Variants in WAS observed in about 807,000 individuals in gnomAD.
WAS encodes the protein actin nucleation-promoting factor WAS.
In WAS, 1 loss-of-function variant was observed where a neutral mutation model predicts 38.9. The ratio of observed to expected loss-of-function variants is 0.03; its 90% confidence interval spans 0.01 to 0.12. WAS has a LOEUF of 0.12. Among genes scored for constraint, WAS ranks in the 10% least tolerant of loss-of-function variants. The probability of loss-of-function intolerance (pLI) is 1.00; values close to 1 mark genes in which losing one functional copy is unlikely to be tolerated. For missense variants in WAS, 311 were observed against 431.2 expected, an observed-to-expected ratio of 0.72 and a Z score of 2.47; for synonymous variants, 182 against 173.6, an observed-to-expected ratio of 1.05 and a Z score of -0.38.
chrX:48,688,948 G>T lies in WAS; in HGVS notation c.1220G>T (p.Gly407Val). ...PPPPPPPPSS[G>V]NGPAPPPLPP... Reference sequence around the variant, plus strand: ...CCACCGCCACCGCCGCCCAGCTCCGGGAATGGACCAGCCCCTCCCCCACTC... The same window carrying T: ...CCACCGCCACCGCCGCCCAGCTCCGTGAATGGACCAGCCCCTCCCCCACTC... Residue 407 changes from glycine (G) to valine (V), a missense_variant, in exon 10 of 12, where the codon GGG (glycine) becomes GTG (valine). Gly to Val is a moderately radical substitution (Grantham distance 109, BLOSUM62 -3). Transcript: ENST00000376701. 1 of 1,170,373 alleles carries T rather than the reference G, an allele frequency of 8.5e-7. No homozygotes were observed.
intron 1 of WAS, among the ~76,000 whole-genome samples, chrX:48,677,935 G>A (rs1237958245): frequency 8.9e-6 from 1 of 112,004 alleles, no homozygotes; most frequent in Admixed American, 9.5e-5. Flanking sequence ...CTTGTGCTAG[G>A]TGGTGGGGAT....
chrX:48,686,315 TGAGTA>T (rs1286638409), intron 6 of WAS, among the ~76,000 whole-genome samples, 181 bp downstream of exon 6: 2 of 111,188 alleles, frequency 1.8e-5, no homozygotes, highest in Non-Finnish European at 3.8e-5. Flanking sequence ...GGTAGATGGC[TGAGTA>T]GAGGGATGAA....
upstream of WAS, among the ~76,000 whole-genome samples, chrX:48,682,460 G>A (rs782809471): frequency 8.9e-6 from 1 of 112,456 alleles, no homozygotes; most frequent in African/African-American, 3.2e-5. Flanking sequence ...AGTGCTATGT[G>A]AGTGTTAAGA....
At chrX:48,686,407 T>C in intron 6 of WAS, among the ~76,000 whole-genome samples, 1 of 111,852 alleles carries the variant, frequency 8.9e-6, no homozygotes, top group East Asian at 2.8e-4. Context: ...AAAAGGTAGA[T>C]GGATGACTGA....
intron 11 of WAS, chrX:48,689,720 C>T (rs2062433786): frequency 2.0e-5 from 5 of 248,312 alleles, no homozygotes; most frequent in South Asian, 1.0e-4. Context: ...AGCTGGCCGG[C>T]GCGGTGGCTC....
intron 7 of WAS, among the ~76,000 whole-genome samples, chrX:48,687,242 C>T (rs982535383): frequency 3.6e-5 from 4 of 111,976 alleles, no homozygotes; most frequent in Non-Finnish European, 7.5e-5. Flanking sequence ...AGGCACCTTA[C>T]TTGCCTCACC....
At chrX:48,685,880 G>A (rs782423704) in intron 4 of WAS, 44 bp downstream of exon 4, 1 of 1,208,848 alleles carries the variant, frequency 8.3e-7, no homozygotes, top group East Asian at 3.0e-5. Flanking sequence ...GCAGAGGTGA[G>A]TGCAAGCCTG....
At position 48,683,954 on chromosome X, in the gene WAS, G is replaced by A. The variant is rs368523950; in HGVS notation, c.101G>A (p.Arg34Gln). 50 of 1,210,975 alleles carry A rather than the reference G, an allele frequency of 4.1e-5. No homozygotes were observed. Among genetic ancestry groups the A allele is most frequent in the Non-Finnish European group, 5.4e-5 (48 of 895,327 alleles). ...STLLQDHENQRLFEMLGRKCL... is the reference protein window; with the variant it reads ...STLLQDHENQQLFEMLGRKCL... ...CTCCTCCAGGACCACGAGAACCAGCGACTCTTTGAGATGCTTGGACGAAAA... is the reference window on the plus strand; with the variant it reads ...CTCCTCCAGGACCACGAGAACCAGCAACTCTTTGAGATGCTTGGACGAAAA... Residue 34 changes from arginine to glutamine, a missense_variant, in exon 1 of 12, where the codon CGA becomes CAA. Physicochemically the swap from Arg to Gln is conservative, Grantham distance 43. Around this residue, in one of 4 missense-constraint regions of WAS, gnomAD observed 64 missense variants for 122.5 expected, o/e 0.52. Coordinates refer to ENST00000376701, the MANE Select transcript of WAS (RefSeq NM_000377.3).
At chrX:48,677,589 G>A (rs1038813754) in intron 1 of WAS, among the ~76,000 whole-genome samples, 2 of 111,924 alleles carry the variant, frequency 1.8e-5, no homozygotes, top group African/African-American at 6.5e-5. Context: ...AAGCGCCAGG[G>A]CCAGGGCAAG....
At position 48,686,903 on chromosome X, in the gene WAS, T is replaced by C; in HGVS notation, c.682T>C (p.Ser228Pro). 8.3e-7 allele frequency: 1 copy of C among 1,210,889 alleles called. No homozygotes were observed. The change falls in exon 7 of 12, where the codon TCA (serine) becomes CCA (proline). Residue 228 changes from serine to proline, a missense_variant. Around this residue, in one of 4 missense-constraint regions of WAS, gnomAD observed 74 missense variants for 131.2 expected, o/e 0.56. Coordinates refer to ENST00000376701, the MANE Select transcript of WAS (RefSeq NM_000377.3). Reference sequence around the variant, plus strand: ...ACCTAGCCCAGCTGATAAGAAACGCTCAGGGAAGAAGAAGATCAGCAAAGC... The same window carrying C: ...ACCTAGCCCAGCTGATAAGAAACGCCCAGGGAAGAAGAAGATCAGCAAAGC... ...PGPSPADKKR[S>P]GKKKISKADI... is the part of the protein sequence containing the mutation.
chrX:48,690,822 C>T (rs1275657516), intron 11 of WAS, among the ~76,000 whole-genome samples: 1 of 111,592 alleles, frequency 9.0e-6, no homozygotes, highest in Admixed American at 9.5e-5. Context: ...TATTATCACA[C>T]CTTTGCTAAT....
At chrX:48,678,764 C>T (rs2062395549) in intron 1 of WAS, among the ~76,000 whole-genome samples, 1 of 111,528 alleles carries the variant, frequency 9.0e-6, no homozygotes, top group African/African-American at 3.3e-5. Context: ...CAAGTACTGG[C>T]ATCCAGTGCA....
chrX:48,684,568 C>A, intron 2 of WAS, 145 bp downstream of exon 2: 1 of 788,804 alleles, frequency 1.3e-6, no homozygotes, highest in Non-Finnish European at 1.8e-6. Context: ...ATCCAGATGG[C>A]AAACTCTGAC....
chrX:48,688,216 G>T lies in WAS; in HGVS notation c.778-84G>T, dbSNP rs2062426122. 3.4e-6 allele frequency: 4 copies of T among 1,161,014 alleles called. No homozygotes were observed. The East Asian group carries it at 9.7e-5, about 28-fold the overall frequency. ...CACACCCCTCTCAGATCCCTTGCTG[G>T]GATGGACCCAACGACAATCCATGTC... On this transcript the variant is annotated intron_variant, in intron 8 of 11. Transcript: ENST00000376701.
chrX:48,685,446 G>T, intron 2 of WAS, 101 bp from the exon 3 acceptor site: 1 of 606,045 alleles, frequency 1.7e-6, no homozygotes, highest in Non-Finnish European at 2.7e-6. Context: ...AGACTATGAG[G>T]CTCCCAAATC....
In WAS at chrX:48,688,352, G is replaced by A; in HGVS notation, c.830G>A (p.Ser277Asn). 2 of 1,208,968 alleles carry A rather than the reference G, an allele frequency of 1.7e-6. No homozygotes were observed. Among genetic ancestry groups the A allele is most frequent in the Non-Finnish European group, 2.2e-6 (2 of 894,128 alleles). ...LRSLFSRAGISEAQLTDAETS... is the reference protein window; with the variant it reads ...LRSLFSRAGINEAQLTDAETS... ...AGTCTGTTCTCCAGGGCAGGAATCA[G>A]CGAGGCCCAGCTCACCGACGCCGAG... is the stretch of plus-strand genomic sequence containing the variant. Residue 277 changes from serine (S) to asparagine (N), a missense_variant, in exon 9 of 12, where the codon AGC (serine) becomes AAC (asparagine). Ser to Asn is a conservative substitution (Grantham distance 46, BLOSUM62 1). Transcript: ENST00000376701.
chrX:48,679,832 T>C (rs1357657250), upstream of WAS, among the ~76,000 whole-genome samples: 4 of 112,469 alleles, frequency 3.6e-5, no homozygotes, highest in Non-Finnish European at 3.8e-5. Flanking sequence ...GCTCTGCCTA[T>C]GGAGTAGTCA....
Position 48,689,442 on chromosome X carries a change from G to A in WAS, c.1453+8G>A, listed in dbSNP as rs782559657. 2.5e-6 allele frequency: 3 copies of A among 1,197,120 alleles called. No homozygotes were observed. Among genetic ancestry groups the A allele is most frequent in the Non-Finnish European group, 3.4e-6 (3 of 886,153 alleles). The stretch of plus-strand genomic sequence containing the variant: ...GAGCCATCCACTCCTCCGGTGAGCT[G>A]ATCCTGCCGGGGCCTCAAACCTGGC... On this transcript the variant is annotated splice_region_variant and intron_variant, in intron 11 of 11. Transcript: ENST00000376701.
chrX:48,679,314 C>T (rs148385676), upstream of WAS, among the ~76,000 whole-genome samples: 4,464 of 111,627 alleles, frequency 0.04, 237 homozygotes, highest in African/African-American at 0.14. Context: ...TGAGCCACCA[C>T]GCCCAGCCTG....
Sources: gnomAD v4.1 joint callset for allele counts (sites outside exome capture counted in the v4.1 genomes callset) on GRCh38, gnomAD v4.1.1 for gene constraint, gnomAD v4.1.1 regional missense constraint, MANE v1.5 for transcripts, NCBI Gene and HGNC (gene_info 2026-07-23, HGNC 2026-07-21) for gene names.